PES1: variants seen among roughly 807,000 people sequenced by gnomAD.
PES1 encodes pescadillo homolog.
PES1 carries 31 observed loss-of-function variants against 77.1 expected under a neutral mutation model. The ratio of observed to expected loss-of-function variants is 0.40; its 90% CI spans 0.30 to 0.54. The LOEUF is 0.54. Among genes scored for constraint, PES1 ranks in the 20% least tolerant of loss-of-function variants. The pLI, the probability that PES1 is intolerant of heterozygous loss-of-function variation, is 0.45. For missense variants in PES1, 658 were observed against 771.7 expected, an observed-to-expected ratio of 0.85 and a Z score of 1.75; for synonymous variants, 282 against 303.0, an observed-to-expected ratio of 0.93 and a Z score of 0.72.
intron 1 of PES1, chr22:30,605,523 A>G: frequency 7.2e-6 from 7 of 978,864 alleles, no homozygotes; most frequent in Non-Finnish European, 8.5e-6. Context: ...CCTTCCTGGA[A>G]ATAGGAATCA....
rs758359419 is a variant in PES1, at chr22:30,577,009, AG to A, written c.*36del. 10 of 1,552,242 alleles carry A rather than the reference AG, an allele frequency of 6.4e-6. No homozygotes were observed. The South Asian group carries it at 1.0e-4, about 16-fold the overall frequency. On this transcript the variant is annotated 3_prime_UTR_variant, in exon 15 of 15. Transcript: ENST00000354694. ...CCTGCCTCTGCCACATCCAGCTGCT[AG>A]GGGCTGGCCTCAGCCCTGTGAGGGG... is the stretch of plus-strand genomic sequence containing the variant.
At position 30,581,680 on chromosome 22, in the gene PES1, G is replaced by A. The variant is rs770493959; in HGVS notation, c.631-36C>T. 7 of 1,435,126 alleles carry A rather than the reference G, an allele frequency of 4.9e-6. No homozygotes were observed. In the South Asian group the frequency reaches 5.7e-5, roughly 12 times the overall value. The allele number at this position is 1,435,126 out of a possible 1,614,324, so 88.9% of individuals were successfully genotyped here. On this transcript the variant is annotated intron_variant, in intron 6 of 14. Coordinates refer to ENST00000354694, the MANE Select transcript of PES1 (RefSeq NM_014303.4). The stretch of plus-strand genomic sequence containing the variant: ...CAAGAGATGCATGAGCAGTGTGGGT[G>A]CAGGGATGGGGGCAAAGGAGGGACA...
intron 1 of PES1, among the ~76,000 whole-genome samples, 157 bp from the exon 2 acceptor site, chr22:30,589,427 G>A (rs2087145674): frequency 6.6e-6 from 1 of 152,188 alleles, no homozygotes. Context: ...CGACCTGCCT[G>A]GATGAGCTCT....
chr22:30,605,135 A>C lies in PES1; in HGVS notation c.-661+326T>G, dbSNP rs558317737. On this transcript the variant is annotated intron_variant, in intron 2 of 16. Coordinates refer to the PES1 transcript ENST00000402281. ...GTAGCCTCTAGATTAGCTGAGACTT[A>C]CAGGCACACACCACCATCCCTGGCA... Among the ~76,000 whole-genome samples the C allele has an allele frequency of 3.9e-5, 6 of 152,174 alleles. No individual in the cohort carries two copies. The East Asian group carries it at 1.2e-3, about 29-fold the overall frequency.
intron 1 of PES1, among the ~76,000 whole-genome samples, chr22:30,590,967 T>C (rs1202233024): frequency 2.0e-5 from 3 of 152,240 alleles, no homozygotes; most frequent in African/African-American, 7.2e-5. Flanking sequence ...TTAAGAACAC[T>C]GGCAATAGAA....
At chr22:30,600,955 T>G (rs1247523745) in intron 2 of PES1, among the ~76,000 whole-genome samples, 1 of 152,222 alleles carries the variant, frequency 6.6e-6, no homozygotes, top group African/African-American at 2.4e-5. Flanking sequence ...CTTAAGGTAA[T>G]CTCAGGGTTT....
chr22:30,578,759 C>A, intron 14 of PES1, 78 bp downstream of exon 14: 2 of 1,486,032 alleles, frequency 1.3e-6, no homozygotes, highest in South Asian at 1.2e-5. Context: ...TAGAGGAGGG[C>A]CCCAAGCCAC....
upstream of PES1, among the ~76,000 whole-genome samples, chr22:30,593,528 T>A (rs1602023524): frequency 6.6e-6 from 1 of 150,662 alleles, no homozygotes; most frequent in Middle Eastern, 3.5e-3. Flanking sequence ...AGGGATGGAC[T>A]GGAGAGGGTG....
chr22:30,604,410 A>G (rs1159974071), intron 2 of PES1, among the ~76,000 whole-genome samples: 1 of 152,212 alleles, frequency 6.6e-6, no homozygotes, highest in Non-Finnish European at 1.5e-5. Flanking sequence ...AGGCAGGCAG[A>G]TCACTTGAGG....
At chr22:30,592,518 T>C, upstream of PES1, 2 of 678,918 alleles carry the variant, frequency 2.9e-6, no homozygotes, top group South Asian at 1.3e-4. Context: ...CATTCAAGGC[T>C]GGGAGCGGTG....
In PES1 at chr22:30,591,122, T is replaced by C. The variant is rs190751633; in HGVS notation, c.24+688A>G. On this transcript the variant is annotated intron_variant, in intron 1 of 14. Coordinates refer to ENST00000354694, the MANE Select transcript of PES1 (RefSeq NM_014303.4). ...TCTAATCGTGTTACTCCTCCTTTTT[T>C]TCCTACTGCACGTAGAATAAAATCC... is the stretch of plus-strand genomic sequence containing the variant. Among the ~76,000 whole-genome samples, 12 of 152,306 alleles carry C rather than the reference T, an allele frequency of 7.9e-5. No individual in the cohort carries two copies. In the East Asian group the frequency reaches 2.3e-3, roughly 29 times the overall value.
intron 2 of PES1, among the ~76,000 whole-genome samples, chr22:30,597,876 A>ATTTTTTTTTTTTTTTTTTT (rs1210779167): frequency 1.0e-4 from 13 of 125,076 alleles, no homozygotes; most frequent in African/African-American, 3.7e-4. Flanking sequence ...ACGCAGTTGA[A>ATTTTTTTTTTTTTTTTTTT]GTTTTGTTTT....
chr22:30,604,606 G>A (rs774371251), intron 2 of PES1, among the ~76,000 whole-genome samples: 2 of 150,240 alleles, frequency 1.3e-5, no homozygotes, highest in Non-Finnish European at 3.0e-5. Flanking sequence ...CTCCAGCCTG[G>A]GCAACGAGTG....
chr22:30,587,391 A>T lies in PES1; in HGVS notation c.263T>A (p.Phe88Tyr). ...IVNKFREYKV[F>Y]VRKLRKAYGK... is the part of the protein sequence containing the mutation. ...ATAAGCCTTCCGGAGCTTCCGGACG[A>T]ACACCTGGAAGAAAGAAAGAAAACA... The change falls in exon 4 of 15, where the codon TTC becomes TAC. Residue 88 changes from phenylalanine to tyrosine, a missense_variant. Physicochemically the swap from Phe to Tyr is conservative, Grantham distance 22. Coordinates refer to ENST00000354694, the MANE Select transcript of PES1 (RefSeq NM_014303.4). 3 of 1,611,706 alleles carry T rather than the reference A, an allele frequency of 1.9e-6. No individual in the cohort carries two copies. Among genetic ancestry groups the T allele is most frequent in the Non-Finnish European group, 2.5e-6 (3 of 1,177,860 alleles).
chr22:30,593,838 C>G (rs1375806281), upstream of PES1, among the ~76,000 whole-genome samples: 1 of 152,222 alleles, frequency 6.6e-6, no homozygotes, highest in Non-Finnish European at 1.5e-5. Context: ...CGCTGAAGAT[C>G]ACTCAGCTGC....
At chr22:30,592,255 G>C (rs1038374556), upstream of PES1, 28 of 1,005,600 alleles carry the variant, frequency 2.8e-5, 4 homozygotes, top group Admixed American at 1.2e-3. Flanking sequence ...GTGCGCGATA[G>C]GATTGCGTTG....
At chr22:30,603,299 C>G (rs531705792) in intron 2 of PES1, among the ~76,000 whole-genome samples, 1 of 152,172 alleles carries the variant, frequency 6.6e-6, no homozygotes, top group Admixed American at 6.5e-5. Flanking sequence ...AACCAATGCT[C>G]TAGTTGATGG....
intron 6 of PES1, among the ~76,000 whole-genome samples, chr22:30,583,498 C>G (rs2087018500): frequency 6.6e-6 from 1 of 152,226 alleles, no homozygotes; most frequent in Admixed American, 6.5e-5. Flanking sequence ...GCAAGGTGGG[C>G]TAAATGCAGG....
intron 2 of PES1, among the ~76,000 whole-genome samples, chr22:30,588,712 G>A (rs1190257579): frequency 1.3e-5 from 2 of 152,116 alleles, no homozygotes; most frequent in African/African-American, 4.8e-5. Context: ...GAACCTGGGA[G>A]GTGGAGGTTG....
Sources: gnomAD v4.1 joint callset for allele counts (sites outside exome capture counted in the v4.1 genomes callset) on GRCh38, gnomAD v4.1.1 for gene constraint, MANE v1.5 for transcripts, NCBI Gene and HGNC (gene_info 2026-07-23, HGNC 2026-07-21) for gene names.